ARHGAP40: variants seen among roughly 807,000 people sequenced by gnomAD.
ARHGAP40 encodes rho GTPase-activating protein 40.
ARHGAP40 carries 43 observed loss-of-function variants against 73.5 expected under a neutral mutation model. The ratio of observed to expected loss-of-function variants is 0.58; its 90% confidence interval spans 0.46 to 0.75. The LOEUF (loss-of-function observed/expected upper bound fraction) is 0.75, where lower values mean the gene tolerates loss of function less well. Ranked by LOEUF, ARHGAP40 falls within the 30% of genes least tolerant of loss-of-function variation. The pLI is 0.00. For missense variants in ARHGAP40, 734 were observed against 861.8 expected (o/e 0.85, Z 1.86); for synonymous variants, 300 against 352.8 (o/e 0.85, Z 1.68).
chr20:38,613,141 C>G (rs1047551822), intron 1 of ARHGAP40, among the ~76,000 whole-genome samples: 8 of 152,132 alleles, frequency 5.3e-5, no homozygotes, highest in Non-Finnish European at 1.0e-4. Context: ...TGATGGCAAG[C>G]TATTTAAAAG....
At chr20:38,644,735 C>T (rs1489522541) in intron 11 of ARHGAP40, among the ~76,000 whole-genome samples, 2 of 150,916 alleles carry the variant, frequency 1.3e-5, no homozygotes, top group Non-Finnish European at 3.0e-5. Flanking sequence ...ACTCACCCAT[C>T]CACCAATCAT....
chr20:38,646,117 ACG>A lies in ARHGAP40; in HGVS notation c.1642_1643del (p.Ala548ArgfsTer71). ...AGCAGCAGGCGCCCCCAGCTCTGCG[ACG>A]CAGGCCTCAAGACTTGGCTGCGGAG... is the stretch of plus-strand genomic sequence containing the variant. On this transcript the variant is annotated frameshift_variant, in exon 12 of 15. Coordinates refer to ENST00000373345, the Ensembl canonical transcript of ARHGAP40. LOFTEE classifies it high-confidence loss of function. This position sits in a 1 kb window ranked among gnomAD's most constrained non-coding sequence, Gnocchi z 4.5. 7.7e-7 allele frequency: 1 copy of A among 1,304,196 alleles called. No individual in the cohort carries two copies. The highest frequency in any genetic ancestry group is 1.0e-6 in the Non-Finnish European group (1 of 988,878). 80.8% of individuals were successfully genotyped at this position (1,304,196 alleles called of 1,614,324 possible).
At chr20:38,610,047 C>T (rs959581884) in intron 1 of ARHGAP40, among the ~76,000 whole-genome samples, 1 of 152,208 alleles carries the variant, frequency 6.6e-6, no homozygotes, top group Non-Finnish European at 1.5e-5. Context: ...TGGCAACCAG[C>T]CTGATGCTCT....
chr20:38,626,168 G>A (rs975673572), intron 2 of ARHGAP40, among the ~76,000 whole-genome samples: 7 of 152,184 alleles, frequency 4.6e-5, no homozygotes, highest in Non-Finnish European at 1.5e-5. Flanking sequence ...CAAAACCCAG[G>A]CTGCCATAAA....
intron 5 of ARHGAP40, 136 bp downstream of exon 5, chr20:38,629,786 C>G: frequency 9.9e-7 from 1 of 1,015,070 alleles, no homozygotes; most frequent in South Asian, 1.6e-5. Context: ...TAATTCGTAC[C>G]ACAAATATTT....
chr20:38,637,889 GA>G, intron 7 of ARHGAP40, 90 bp downstream of exon 7: 1 of 1,037,648 alleles, frequency 9.6e-7, no homozygotes, highest in Non-Finnish European at 1.3e-6. Context: ...GCAAAGGGGT[GA>G]AAGGATGTGC....
At chr20:38,631,020 A>G (rs1011481047) in intron 5 of ARHGAP40, among the ~76,000 whole-genome samples, 6 of 152,352 alleles carry the variant, frequency 3.9e-5, no homozygotes, top group African/African-American at 1.4e-4. Flanking sequence ...ATAGAAAGAA[A>G]GAGAAGTAGG....
At chr20:38,630,205 T>G (rs2088930298) in intron 5 of ARHGAP40, among the ~76,000 whole-genome samples, 2 of 143,776 alleles carry the variant, frequency 1.4e-5, no homozygotes. Context: ...TCTTCTTCCT[T>G]TCTTTCCTTC....
chr20:38,642,683 G>A (rs996941948), intron 10 of ARHGAP40, among the ~76,000 whole-genome samples: 19 of 140,336 alleles, frequency 1.4e-4, no homozygotes, highest in South Asian at 2.2e-4. Flanking sequence ...ATTCTCATTC[G>A]TCCATCTATT....
chr20:38,627,661 T>G (rs1049758703), intron 3 of ARHGAP40, among the ~76,000 whole-genome samples: 7 of 93,326 alleles, frequency 7.5e-5, no homozygotes, highest in African/African-American at 2.4e-4. Flanking sequence ...TTGGTGTGTG[T>G]GGGGGTGTGT....
In ARHGAP40 at chr20:38,627,266, C is replaced by T. The variant is rs2088903985; in HGVS notation, c.558+51C>T. 26 of 1,282,794 alleles carry T rather than the reference C, an allele frequency of 2.0e-5. No individual in the cohort carries two copies. In the South Asian group the frequency reaches 2.9e-4, roughly 14 times the overall value. The allele number at this position is 1,282,794 out of a possible 1,614,324, so 79.5% of individuals were successfully genotyped here. A position where few individuals can be genotyped will look rare whatever the true frequency, so the allele number is the denominator to read the frequency against. ...GCCCCGTCTGACTGGGATCTCTGTGCTGCCGCCACAGCCTGAGAGATGCAG... is the reference window on the plus strand; with the variant it reads ...GCCCCGTCTGACTGGGATCTCTGTGTTGCCGCCACAGCCTGAGAGATGCAG... On this transcript the variant is annotated intron_variant, in intron 3 of 14. Transcript: ENST00000373345.
exon 1 of ARHGAP40, chr20:38,601,868 C>A: frequency 7.8e-7 from 1 of 1,280,930 alleles, no homozygotes; most frequent in East Asian, 5.6e-5. Flanking sequence ...CTCACTCCTC[C>A]CTCTCACATT....
At chr20:38,619,293 A>G (rs186067824) in intron 1 of ARHGAP40, among the ~76,000 whole-genome samples, 1 of 152,242 alleles carries the variant, frequency 6.6e-6, no homozygotes, top group Admixed American at 6.5e-5. Context: ...CAGTATTGTG[A>G]GCTTGGAAGA....
intron 6 of ARHGAP40, among the ~76,000 whole-genome samples, chr20:38,636,610 T>C (rs2088976762): frequency 6.6e-6 from 1 of 152,182 alleles, no homozygotes; most frequent in Admixed American, 6.5e-5. Flanking sequence ...CGTGGATGTA[T>C]TCTAATATAT....
At chr20:38,641,603 G>GA in intron 9 of ARHGAP40, 123 bp from the exon 10 acceptor site, 2 of 610,014 alleles carry the variant, frequency 3.3e-6, no homozygotes, top group South Asian at 1.8e-5. Context: ...CACACCTTAT[G>GA]AAAAAAGGGA....
chr20:38,635,714 A>G (rs1248681835), intron 6 of ARHGAP40, among the ~76,000 whole-genome samples: 1 of 152,014 alleles, frequency 6.6e-6, no homozygotes, highest in Non-Finnish European at 1.5e-5. Flanking sequence ...CATTATATAT[A>G]ATAGAATATA....
intron 1 of ARHGAP40, among the ~76,000 whole-genome samples, chr20:38,604,512 T>C (rs368744462): frequency 2.0e-5 from 3 of 151,968 alleles, no homozygotes; most frequent in Admixed American, 6.6e-5. Context: ...TCTCCTGCCT[T>C]AGCCTCTTGA....
intron 5 of ARHGAP40, among the ~76,000 whole-genome samples, chr20:38,630,201 T>A (rs1161459849): frequency 6.9e-6 from 1 of 145,724 alleles, no homozygotes; most frequent in Non-Finnish European, 1.5e-5. Flanking sequence ...CTTTTCTTCT[T>A]CCTTTCTTTC....
chr20:38,614,167 A>C (rs2088820480), intron 1 of ARHGAP40, among the ~76,000 whole-genome samples: 1 of 152,180 alleles, frequency 6.6e-6, no homozygotes, highest in Admixed American at 6.5e-5. Flanking sequence ...GTCATCATGT[A>C]CTAAGTTATG....
Sources: gnomAD v4.1 joint callset for allele counts (sites outside exome capture counted in the v4.1 genomes callset) on GRCh38, gnomAD v4.1.1 for gene constraint, Gnocchi (gnomAD v3.1) non-coding constraint, MANE v1.5 for transcripts, NCBI Gene and HGNC (gene_info 2026-07-23, HGNC 2026-07-21) for gene names.